The following DSCAM variants were observed in gnomAD, a reference collection of about 807,000 sequenced individuals.
DSCAM encodes the protein DS cell adhesion molecule.
DSCAM carries 47 observed loss-of-function variants against 217.7 expected under a neutral mutation model. The observed-to-expected ratio is 0.22, with a 90% CI of 0.17 to 0.28. The LOEUF (loss-of-function observed/expected upper bound fraction) is 0.28. Ranked by LOEUF, DSCAM falls within the 10% of genes least tolerant of loss-of-function variation. The pLI, the probability that DSCAM is intolerant of heterozygous loss-of-function variation, is 1.00. For synonymous variants in DSCAM, 1,056 were observed against 1,015.3 expected, an observed-to-expected ratio of 1.04 and a Z score of -0.76; for missense variants, 2,080 against 2,618.3, an observed-to-expected ratio of 0.79 and a Z score of 4.49.
At chr21:40,022,135 CT>C (rs2088283753) in intron 32 of DSCAM, among the ~76,000 whole-genome samples, 1 of 152,194 alleles carries the variant, frequency 6.6e-6, no homozygotes, top group African/African-American at 2.4e-5. Flanking sequence ...TTCTTGCTAT[CT>C]CCCAGGCACC....
intron 3 of DSCAM, among the ~76,000 whole-genome samples, chr21:40,670,278 C>T (rs181707865): frequency 1.2e-4 from 19 of 152,242 alleles, no homozygotes; most frequent in Middle Eastern, 6.8e-3. Flanking sequence ...TCTTTCCTTC[C>T]AGCCCCTGGT....
At chr21:40,212,851 T>C (rs897042440) in intron 11 of DSCAM, among the ~76,000 whole-genome samples, 6 of 152,072 alleles carry the variant, frequency 3.9e-5, no homozygotes, top group Admixed American at 6.6e-5. Context: ...AAGAATGTCA[T>C]ATAAGAGACA....
intron 3 of DSCAM, among the ~76,000 whole-genome samples, chr21:40,651,681 CAG>C (rs1237912368): frequency 1.3e-5 from 2 of 152,198 alleles, no homozygotes; most frequent in Non-Finnish European, 2.9e-5. Context: ...TACAAGGCTG[CAG>C]AGTCTTATAT....
intron 11 of DSCAM, among the ~76,000 whole-genome samples, chr21:40,269,496 G>A (rs951839998): frequency 1.3e-5 from 2 of 152,150 alleles, no homozygotes; most frequent in Admixed American, 6.5e-5. Context: ...ACACAAGACC[G>A]CAAAAGAGTT....
rs148369747 is a variant in DSCAM at position 40,194,694 on chromosome 21, T to C, written c.2357-5456A>G. Reference sequence around the variant, plus strand: ...GCTCAGTAAATCTGTGTTCTTATGATATAAGGGAGCATCCCTCTGACCTAC... The same window carrying C: ...GCTCAGTAAATCTGTGTTCTTATGACATAAGGGAGCATCCCTCTGACCTAC... On this transcript the variant is annotated intron_variant, in intron 11 of 32. Coordinates refer to ENST00000400454, the MANE Select transcript of DSCAM (RefSeq NM_001389.5). 9.8e-4 allele frequency among the ~76,000 whole-genome samples: 149 copies of C among 152,340 alleles called. 1 individual carries two copies. The highest frequency in any genetic ancestry group is 1.9e-3 in the Non-Finnish European group (127 of 68,028).
intron 11 of DSCAM, among the ~76,000 whole-genome samples, chr21:40,238,520 G>T (rs1277519360): frequency 1.3e-5 from 2 of 152,200 alleles, no homozygotes; most frequent in Non-Finnish European, 2.9e-5. Context: ...CACCTAGCAG[G>T]TATGTTGGCC....
intron 3 of DSCAM, among the ~76,000 whole-genome samples, chr21:40,522,949 T>C (rs1207047797): frequency 6.6e-6 from 1 of 152,074 alleles, no homozygotes; most frequent in Admixed American, 6.5e-5. Context: ...GTAAATAAAT[T>C]GTTGATTTCA....
At chr21:40,140,763 C>G (rs1488323673) in intron 18 of DSCAM, among the ~76,000 whole-genome samples, 2 of 152,024 alleles carry the variant, frequency 1.3e-5, no homozygotes, top group African/African-American at 4.8e-5. Context: ...TTAAATCTGC[C>G]CTTCTGTGGG....
intron 3 of DSCAM, among the ~76,000 whole-genome samples, chr21:40,400,595 G>T (rs548419069): frequency 6.6e-6 from 1 of 152,180 alleles, no homozygotes; most frequent in South Asian, 2.1e-4. Flanking sequence ...AAAAACTTTT[G>T]TTGTAGAGAC....
At chr21:40,701,039 AAAT>A (rs1181798787) in intron 2 of DSCAM, among the ~76,000 whole-genome samples, 2 of 152,212 alleles carry the variant, frequency 1.3e-5, no homozygotes. Context: ...TGCCTGGCCA[AAAT>A]TATTATTTCT....
At chr21:40,739,724 C>G (rs1005267574) in intron 1 of DSCAM, among the ~76,000 whole-genome samples, 2 of 151,954 alleles carry the variant, frequency 1.3e-5, no homozygotes, top group Non-Finnish European at 2.9e-5. Context: ...TGGCCCATAA[C>G]CCTGGGGATA....
At position 40,387,708 on chromosome 21, in the gene DSCAM, T is replaced by C. The variant is rs145316313; in HGVS notation, c.509-18463A>G. ...CATAAAAAGGAGTCAGAAGAAGCAATAGAGGCCTCAGACAATGAAATAACT... is the reference window on the plus strand; with the variant it reads ...CATAAAAAGGAGTCAGAAGAAGCAACAGAGGCCTCAGACAATGAAATAACT... On this transcript the variant is annotated intron_variant, in intron 3 of 32. Transcript: ENST00000400454. 1.4e-4 allele frequency among the ~76,000 whole-genome samples: 21 copies of C among 152,152 alleles called. No homozygotes were observed. In the East Asian group the frequency reaches 2.7e-3, roughly 20 times the overall value.
At chr21:40,175,809 GCACA>G (rs796339226) in intron 15 of DSCAM, among the ~76,000 whole-genome samples, 1,034 of 80,544 alleles carry the variant, frequency 0.013, 16 homozygotes, top group African/African-American at 0.044. Flanking sequence ...ACACACACAC[GCACA>G]CACACACACA....
chr21:40,559,423 A>T (rs1227251302), intron 3 of DSCAM, among the ~76,000 whole-genome samples: 1 of 150,646 alleles, frequency 6.6e-6, no homozygotes, highest in Non-Finnish European at 1.5e-5. Flanking sequence ...GCACCACTGC[A>T]CTCTGGCCCG....
chr21:40,377,240 AG>A (rs1288481713), intron 3 of DSCAM, among the ~76,000 whole-genome samples: 1 of 152,176 alleles, frequency 6.6e-6, no homozygotes, highest in Non-Finnish European at 1.5e-5. Context: ...GAAACAGAGA[AG>A]TTCAGGGACT....
At chr21:40,130,563 T>C (rs2090144651) in intron 19 of DSCAM, among the ~76,000 whole-genome samples, 1 of 151,988 alleles carries the variant, frequency 6.6e-6, no homozygotes, top group African/African-American at 2.4e-5. Flanking sequence ...GGATGAGAGA[T>C]GATATCCATG....
rs2076565267 is a variant in DSCAM at position 40,544,396 on chromosome 21, T to A, written c.508+148414A>T. ...TGACCTTATTTGAAAATAGGGTATT[T>A]GCAGATGTAATTAGTTAAGGACCTT... On this transcript the variant is annotated intron_variant, in intron 3 of 32. Coordinates refer to ENST00000400454, the MANE Select transcript of DSCAM (RefSeq NM_001389.5). 1.3e-5 allele frequency among the ~76,000 whole-genome samples: 2 copies of A among 152,164 alleles called. 1 individual carries two copies. Among genetic ancestry groups the A allele is most frequent in the Admixed American group, 1.3e-4 (2 of 15,268 alleles).
At position 40,078,885 on chromosome 21, in the gene DSCAM, G is replaced by C; in HGVS notation, c.4513C>G (p.Pro1505Ala). 6.2e-7 allele frequency: 1 copy of C among 1,614,160 alleles called. No individual in the cohort carries two copies. Among genetic ancestry groups the C allele is most frequent in the Non-Finnish European group, 8.5e-7 (1 of 1,180,028 alleles). The change falls in exon 26 of 33, where the codon CCC (proline) becomes GCC (alanine). Residue 1505 changes from proline (P) to alanine (A), a missense_variant. Pro to Ala is a conservative substitution (Grantham distance 27, BLOSUM62 -1). Coordinates refer to ENST00000400454, the MANE Select transcript of DSCAM (RefSeq NM_001389.5). ...TACTCTAGTGTGAAGGAGGTGATGG[G>C]GCAGCCGCCATCATTCCAGCCAATG... ...NLIGWNDGGC[P>A]ITSFTLEYRP...
intron 3 of DSCAM, among the ~76,000 whole-genome samples, chr21:40,476,541 A>T (rs1400957731): frequency 1.3e-5 from 2 of 152,230 alleles, no homozygotes; most frequent in Admixed American, 6.5e-5. Flanking sequence ...GAGTTTGCTC[A>T]CAACCTTATC....
Sources: gnomAD v4.1 joint callset for allele counts (sites outside exome capture counted in the v4.1 genomes callset) on GRCh38, gnomAD v4.1.1 for gene constraint, MANE v1.5 for transcripts, NCBI Gene and HGNC (gene_info 2026-07-23, HGNC 2026-07-21) for gene names.